RGS5: variants seen among roughly 807,000 people sequenced by gnomAD.
RGS5 encodes the protein regulator of G-protein signalling 5.
RGS5 carries 20 observed loss-of-function variants against 18.9 expected under a neutral mutation model. The observed-to-expected ratio is 1.06, with a 90% CI of 0.74 to 1.54. The LOEUF (loss-of-function observed/expected upper bound fraction) is 1.54, where lower values mean the gene tolerates loss of function less well. RGS5 is among the 40% of genes most tolerant of loss of function. The pLI is 0.00. For missense variants in RGS5, 201 were observed against 211.8 expected (o/e 0.95, Z 0.32); for synonymous variants, 57 against 76.2 (o/e 0.75, Z 1.31).
intron 2 of RGS5, among the ~76,000 whole-genome samples, chr1:163,230,419 A>G (rs548830508): frequency 1.3e-5 from 2 of 152,232 alleles, no homozygotes; most frequent in South Asian, 4.2e-4. Context: ...AACAACATCA[A>G]TAGGAGCTAT....
chr1:163,166,114 C>CAGA (rs58016167), intron 2 of RGS5, among the ~76,000 whole-genome samples: 117,619 of 151,638 alleles, frequency 0.78, 45,901 homozygotes, highest in East Asian at 0.91. Flanking sequence ...GGCATAGAAG[C>CAGA]AGGAGAGAAA....
intron 2 of RGS5, among the ~76,000 whole-genome samples, chr1:163,164,905 C>T (rs1253946895): frequency 3.9e-5 from 6 of 152,196 alleles, no homozygotes; most frequent in Non-Finnish European, 7.3e-5. Flanking sequence ...AATGTTCTTA[C>T]ACATTGGTGC....
chr1:163,279,876 A>G (rs964469094), intron 2 of RGS5, among the ~76,000 whole-genome samples: 15 of 152,024 alleles, frequency 9.9e-5, no homozygotes, highest in Non-Finnish European at 1.9e-4. Context: ...AGTATTATGA[A>G]AAACCACACC....
chr1:163,269,773 T>C (rs1648670335), intron 2 of RGS5, among the ~76,000 whole-genome samples: 1 of 152,180 alleles, frequency 6.6e-6, no homozygotes, highest in African/African-American at 2.4e-5. Flanking sequence ...TTTAAACTAT[T>C]ATTTGGAAGA....
At chr1:163,255,810 T>C (rs1292710558) in intron 2 of RGS5, among the ~76,000 whole-genome samples, 6 of 151,942 alleles carry the variant, frequency 3.9e-5, no homozygotes, top group South Asian at 4.2e-4. Flanking sequence ...GTTCAATATA[T>C]GCAAATCAAT....
upstream of RGS5, among the ~76,000 whole-genome samples, chr1:163,221,871 A>C (rs1189525674): frequency 6.6e-6 from 1 of 152,192 alleles, no homozygotes; most frequent in Non-Finnish European, 1.5e-5. Context: ...ACATCTTTTA[A>C]GACTTTTATG....
intron 2 of RGS5, among the ~76,000 whole-genome samples, chr1:163,245,249 T>C (rs1034440404): frequency 8.5e-5 from 13 of 152,202 alleles, no homozygotes; most frequent in African/African-American, 3.1e-4. Context: ...TCCTCTCCTA[T>C]ATCCCTCATG....
At chr1:163,246,324 A>C (rs1439163424) in intron 2 of RGS5, among the ~76,000 whole-genome samples, 4 of 151,856 alleles carry the variant, frequency 2.6e-5, no homozygotes, top group African/African-American at 9.7e-5. Context: ...TAATCCCAGC[A>C]CTTTGGGAGG....
intron 2 of RGS5, among the ~76,000 whole-genome samples, chr1:163,263,588 CA>C (rs1557924188): frequency 6.6e-6 from 1 of 151,980 alleles, no homozygotes; most frequent in African/African-American, 2.4e-5. Flanking sequence ...ACTCCAGTGG[CA>C]AAAATTATAG....
chr1:163,247,984 C>CT (rs1647992255), intron 2 of RGS5, among the ~76,000 whole-genome samples: 1 of 152,186 alleles, frequency 6.6e-6, no homozygotes, highest in Non-Finnish European at 1.5e-5. Context: ...GGCCTTGACT[C>CT]TGTTTCTCCC....
chr1:163,255,436 C>T (rs945471563), intron 2 of RGS5, among the ~76,000 whole-genome samples: 3 of 152,084 alleles, frequency 2.0e-5, no homozygotes, highest in Non-Finnish European at 2.9e-5. Context: ...CTGAATATAC[C>T]AATAACAGGC....
At chr1:163,173,574 A>T (rs879829868) in intron 1 of RGS5, among the ~76,000 whole-genome samples, 1 of 152,180 alleles carries the variant, frequency 6.6e-6, no homozygotes, top group Non-Finnish European at 1.5e-5. Flanking sequence ...AAACAGAAAC[A>T]TGGTTAAATT....
At chr1:163,212,577 T>C (rs1179215195) in intron 1 of RGS5, 1 of 152,182 alleles carries the variant, frequency 6.6e-6, no homozygotes, top group African/African-American at 2.4e-5. Flanking sequence ...ACAACCTCCA[T>C]AACTGTGCTG....
chr1:163,300,703 T>C (rs527676542), intron 2 of RGS5: 3 of 152,162 alleles, frequency 2.0e-5, no homozygotes, highest in African/African-American at 7.2e-5. Flanking sequence ...TGAAATAAAT[T>C]TGAGAGTCTC....
chr1:163,317,301 A>G (rs565885362), intron 1 of RGS5, among the ~76,000 whole-genome samples: 2 of 152,318 alleles, frequency 1.3e-5, no homozygotes, highest in Admixed American at 6.5e-5. Context: ...ATTTGTGCTA[A>G]GCTGTGGATA....
exon 1 of RGS5, chr1:163,217,528 T>G: frequency 6.5e-7 from 1 of 1,537,070 alleles, no homozygotes; most frequent in Non-Finnish European, 8.7e-7. Context: ...GTACATACAT[T>G]GATATGCCAA....
At chr1:163,238,687 G>A (rs947762783) in intron 2 of RGS5, 24 of 277,492 alleles carry the variant, frequency 8.6e-5, no homozygotes, top group African/African-American at 5.4e-4. Context: ...TGGTAACCAT[G>A]TAAATCATTT....
chr1:163,247,582 T>TTATATATATA (rs5778320), intron 2 of RGS5, among the ~76,000 whole-genome samples: 17 of 147,594 alleles, frequency 1.2e-4, no homozygotes, highest in African/African-American at 3.0e-4. Flanking sequence ...AGAAGTTGAT[T>TTATATATATA]TATATATATA....
intron 1 of RGS5, among the ~76,000 whole-genome samples, chr1:163,195,418 T>C (rs1047881625): frequency 6.7e-6 from 1 of 149,042 alleles, no homozygotes; most frequent in Non-Finnish European, 1.5e-5. Context: ...CTGTGGGGAA[T>C]CAGGGGGCAA....
Sources: allele counts gnomAD v4.1 joint callset (sites outside exome capture counted in the v4.1 genomes callset), GRCh38; gene constraint gnomAD v4.1.1; transcripts MANE v1.5; gene names NCBI Gene and HGNC (gene_info 2026-07-23, HGNC 2026-07-21).